Variants in SLC25A18 observed in about 807,000 individuals in gnomAD.
The protein encoded by SLC25A18 is mitochondrial glutamate carrier 2.
SLC25A18 carries 24 observed loss-of-function variants against 31.1 expected under a neutral mutation model. The ratio of observed to expected loss-of-function variants is 0.77; its 90% CI spans 0.56 to 1.08. The LOEUF (loss-of-function observed/expected upper bound fraction) is 1.08. SLC25A18 is among the 50% of genes least tolerant of loss of function. SLC25A18 has a pLI of 0.00. For missense variants in SLC25A18, 371 were observed against 418.5 expected, an observed-to-expected ratio of 0.89 and a Z score of 0.99; for synonymous variants, 173 against 161.9, an observed-to-expected ratio of 1.07 and a Z score of -0.52.
chr22:17,568,850 C>T (rs2057012394), intron 1 of SLC25A18, among the ~76,000 whole-genome samples: 1 of 151,756 alleles, frequency 6.6e-6, no homozygotes, highest in African/African-American at 2.4e-5. Flanking sequence ...CGTGAGCAAC[C>T]GTGCCCGGCC....
chr22:17,571,303 C>T (rs76494280), intron 2 of SLC25A18, among the ~76,000 whole-genome samples: 2,030 of 152,162 alleles, frequency 0.013, 35 homozygotes, highest in African/African-American at 0.046. Flanking sequence ...GAAGGGGAAG[C>T]CAGAGGAGTC....
intron 1 of SLC25A18, 69 bp downstream of exon 1, chr22:17,563,782 A>G (rs2056865477): frequency 1.0e-5 from 9 of 888,772 alleles, no homozygotes; most frequent in African/African-American, 1.8e-5. Context: ...CAAAAGGGGG[A>G]AAAATAGCCT....
rs765134170 is a variant in SLC25A18, at chr22:17,587,318, G to T, written c.575+17G>T. 4 of 1,605,162 alleles carry T rather than the reference G, an allele frequency of 2.5e-6. No homozygotes were observed. In the South Asian group the frequency reaches 4.4e-5, roughly 18 times the overall value. The stretch of plus-strand genomic sequence containing the variant: ...TCTCCTCAGGTGAGCCTTTCTTCCG[G>T]TTCCCTAGGACAAGTGCACGGGGGA... On this transcript the variant is annotated intron_variant, in intron 8 of 10. Coordinates refer to ENST00000327451, the MANE Select transcript of SLC25A18 (RefSeq NM_031481.3).
At chr22:17,564,048 G>A (rs77217862) in intron 1 of SLC25A18, among the ~76,000 whole-genome samples, 4,690 of 152,256 alleles carry the variant, frequency 0.031, 252 homozygotes, top group African/African-American at 0.11. Context: ...CAGCAGTCGC[G>A]TCTTCTCGGA....
At chr22:17,588,682 A>G (rs1055828761) in intron 9 of SLC25A18, 1 of 152,010 alleles carries the variant, frequency 6.6e-6, no homozygotes, top group African/African-American at 2.4e-5. Context: ...ATTTGCGGCT[A>G]ATGGTGGGAG....
intron 2 of SLC25A18, among the ~76,000 whole-genome samples, chr22:17,576,788 G>C (rs1006514317): frequency 2.0e-5 from 3 of 152,182 alleles, no homozygotes; most frequent in Non-Finnish European, 4.4e-5. Flanking sequence ...CCAGCCAAGT[G>C]CTCTCCGTGG....
chr22:17,582,473 G>C (rs1308195667), intron 5 of SLC25A18, 90 bp from the exon 6 acceptor site: 1 of 1,087,554 alleles, frequency 9.2e-7, no homozygotes, highest in Non-Finnish European at 1.3e-6. Context: ...CCTTCACTCA[G>C]GGACTGGCCT....
rs368054676 is a variant in SLC25A18 at position 17,588,014 on chromosome 22, C to T, written c.665C>T (p.Ala222Val). ...GAGCTCGCCGGTAAGGCGTCCTTTG[C>T]ACATTCCTTCGTGTCAGGCTGTGTG... ...FNELAGKASFAHSFVSGCVAG... is the reference protein window; with the variant it reads ...FNELAGKASFVHSFVSGCVAG... Residue 222 changes from alanine to valine, a missense_variant, in exon 9 of 11, where the codon GCA becomes GTA. Coordinates refer to ENST00000327451, the MANE Select transcript of SLC25A18 (RefSeq NM_031481.3). The T allele has an allele frequency of 7.4e-5, 119 of 1,614,120 alleles. 1 individual carries two copies. Among genetic ancestry groups the T allele is most frequent in the Middle Eastern group, 6.6e-4 (4 of 6,084 alleles).
intron 1 of SLC25A18, among the ~76,000 whole-genome samples, chr22:17,565,133 A>G (rs1335990981): frequency 6.6e-6 from 1 of 151,958 alleles, no homozygotes; most frequent in Non-Finnish European, 1.5e-5. Context: ...AGGCTGGAGT[A>G]CAGTGGCACA....
chr22:17,572,887 C>G (rs747922727), intron 2 of SLC25A18, among the ~76,000 whole-genome samples: 1 of 151,988 alleles, frequency 6.6e-6, no homozygotes, highest in Middle Eastern at 3.2e-3. Flanking sequence ...GTGATCCGCC[C>G]GCCTCGGCCT....
chr22:17,587,257 G>T lies in SLC25A18; in HGVS notation c.531G>T (p.Gln177His). The T allele has an allele frequency of 6.2e-7, 1 of 1,613,890 alleles. No homozygotes were observed. Among genetic ancestry groups the T allele is most frequent in the East Asian group, 2.2e-5 (1 of 44,878 alleles). ...TTGCCTGGGAGCTGCTCCGCACTCA[G>T]GGCCTGGCTGGGCTCTACAGGGGCC... is the stretch of plus-strand genomic sequence containing the variant. ...TLIAWELLRT[Q>H]GLAGLYRGLG... Residue 177 changes from glutamine to histidine, a missense_variant, in exon 8 of 11, where the codon CAG becomes CAT. Physicochemically the swap from Gln to His is conservative, Grantham distance 24 (BLOSUM62 0). Coordinates refer to ENST00000327451, the MANE Select transcript of SLC25A18 (RefSeq NM_031481.3).
chr22:17,563,753 T>C, intron 1 of SLC25A18, 40 bp downstream of exon 1: 2 of 984,146 alleles, frequency 2.0e-6, no homozygotes, highest in Non-Finnish European at 2.4e-6. Flanking sequence ...CCTTGTACTT[T>C]GCCTAGTTAC....
intron 5 of SLC25A18, 122 bp from the exon 6 acceptor site, chr22:17,582,441 C>A: frequency 1.6e-6 from 1 of 636,332 alleles, no homozygotes; most frequent in Non-Finnish European, 2.6e-6. Context: ...GGCTCAGGAG[C>A]CCCACCTGGC....
intron 2 of SLC25A18, among the ~76,000 whole-genome samples, chr22:17,572,019 GA>G (rs909535548): frequency 2.1e-5 from 3 of 140,308 alleles, no homozygotes; most frequent in Non-Finnish European, 3.1e-5. Context: ...TCCCGTCTCA[GA>G]AAAAAAAAAC....
At chr22:17,575,072 A>C (rs918780998) in intron 2 of SLC25A18, among the ~76,000 whole-genome samples, 9 of 151,280 alleles carry the variant, frequency 5.9e-5, no homozygotes, top group Middle Eastern at 3.4e-3. Context: ...GGCTAGTCTC[A>C]AACTCGTGAC....
chr22:17,589,769 T>C (rs2057665587), intron 10 of SLC25A18, 104 bp downstream of exon 10: 2 of 1,135,514 alleles, frequency 1.8e-6, no homozygotes, highest in Admixed American at 4.1e-5. Flanking sequence ...GGGCTCTGGG[T>C]TTCTTTGAAG....
intron 2 of SLC25A18, 47 bp from the exon 3 acceptor site, chr22:17,579,698 C>T (rs138756488): frequency 1.3e-5 from 17 of 1,317,022 alleles, no homozygotes; most frequent in Middle Eastern, 2.8e-4. Flanking sequence ...TAGTGACGTG[C>T]GTCCTCGCCC....
rs112374347 is a variant in SLC25A18 at position 17,571,109 on chromosome 22, G to A, written c.-201+1123G>A. On this transcript the variant is annotated intron_variant, in intron 2 of 10. Coordinates refer to ENST00000327451, the MANE Select transcript of SLC25A18 (RefSeq NM_031481.3). ...AGGGGGTGAGGGAGAGGAAAACCAGGGCAGGTTGTGCGGGAGTGGGAGCCT... is the reference window on the plus strand; with the variant it reads ...AGGGGGTGAGGGAGAGGAAAACCAGAGCAGGTTGTGCGGGAGTGGGAGCCT... Among the ~76,000 whole-genome samples the A allele has an allele frequency of 4.2e-3, 644 of 152,298 alleles. 5 individuals are homozygous for A. Among genetic ancestry groups the A allele is most frequent in the African/African-American group, 0.015 (611 of 41,554 alleles).
At chr22:17,587,720 G>A in intron 8 of SLC25A18, 1 of 624,634 alleles carries the variant, frequency 1.6e-6, no homozygotes, top group Non-Finnish European at 2.7e-6. Flanking sequence ...GGCAGAGGAA[G>A]GAGCTGGGAC....
Sources: allele counts gnomAD v4.1 joint callset (sites outside exome capture counted in the v4.1 genomes callset), GRCh38; gene constraint gnomAD v4.1.1; transcripts MANE v1.5; gene names NCBI Gene and HGNC (gene_info 2026-07-23, HGNC 2026-07-21).